EIF2B3: variants seen among roughly 807,000 people sequenced by gnomAD.
The protein encoded by EIF2B3 is translation initiation factor eIF2B subunit gamma.
A neutral mutation model predicts 54.1 loss-of-function variants in EIF2B3; 20 were observed. That is an observed-to-expected ratio of 0.37 (90% CI 0.26 to 0.54). EIF2B3 has a LOEUF of 0.54. Among genes scored for constraint, EIF2B3 ranks in the 20% least tolerant of loss-of-function variants. EIF2B3 has a pLI of 0.86. For synonymous variants in EIF2B3, 153 were observed against 188.1 expected (o/e 0.81, Z 1.52); for missense variants, 448 against 547.8 (o/e 0.82, Z 1.82).
At chr1:44,939,129 A>C (rs1227832561) in intron 4 of EIF2B3, among the ~76,000 whole-genome samples, 2 of 151,386 alleles carry the variant, frequency 1.3e-5, no homozygotes, top group African/African-American at 4.8e-5. Context: ...AAAAAAAAGA[A>C]ACAAAAGGAA....
chr1:44,897,602 A>C (rs964547977), intron 5 of EIF2B3, among the ~76,000 whole-genome samples, 158 bp from the exon 6 acceptor site: 9 of 152,238 alleles, frequency 5.9e-5, no homozygotes, highest in Non-Finnish European at 5.9e-5. Flanking sequence ...AGTGGACCCC[A>C]GCCCTGACTC....
At chr1:44,945,481 G>C (rs1300272958) in intron 3 of EIF2B3, among the ~76,000 whole-genome samples, 2 of 151,780 alleles carry the variant, frequency 1.3e-5, no homozygotes, top group Admixed American at 1.3e-4. Flanking sequence ...ATGAACCCAG[G>C]GGGCGGAGCT....
At chr1:44,983,233 T>G (rs1001147264) in intron 1 of EIF2B3, among the ~76,000 whole-genome samples, 5 of 152,366 alleles carry the variant, frequency 3.3e-5, no homozygotes, top group East Asian at 1.9e-4. Flanking sequence ...TGATTTAAAC[T>G]GAAAGTACTT....
chr1:44,886,382 G>A (rs554117825), intron 6 of EIF2B3, among the ~76,000 whole-genome samples: 43 of 152,188 alleles, frequency 2.8e-4, no homozygotes, highest in African/African-American at 9.9e-4. Flanking sequence ...GCCCGACCCC[G>A]ATTATTTTTA....
At chr1:44,933,578 TTATAA>T (rs1483441950) in intron 4 of EIF2B3, among the ~76,000 whole-genome samples, 2 of 152,276 alleles carry the variant, frequency 1.3e-5, no homozygotes, top group Non-Finnish European at 2.9e-5. Context: ...CTGCTATTTA[TTATAA>T]TATATCTTAG....
chr1:44,876,749 A>G lies in EIF2B3; in HGVS notation c.976-1054T>C, dbSNP rs1655173158. ...GATGACAATGGCGGTTTTGTGGAAT[A>G]GAAAGGCGGGAAAGGTGGGGAAAAG... On this transcript the variant is annotated intron_variant, in intron 8 of 11. Transcript: ENST00000360403. 3.5e-5 allele frequency among the ~76,000 whole-genome samples: 5 copies of G among 143,372 alleles called. No homozygotes were observed. The South Asian group carries it at 1.1e-3, about 33-fold the overall frequency. The allele number at this position is 143,372 out of a possible 152,430, so 94.1% of individuals were successfully genotyped here. A position where few individuals can be genotyped will look rare whatever the true frequency, so the allele number is the denominator to read the frequency against.
chr1:44,961,402 C>A (rs539674780), intron 3 of EIF2B3, among the ~76,000 whole-genome samples: 7 of 149,900 alleles, frequency 4.7e-5, no homozygotes, highest in African/African-American at 1.7e-4. Context: ...GGGCCGGGTG[C>A]ATTGGCTCAT....
intron 3 of EIF2B3, among the ~76,000 whole-genome samples, chr1:44,969,081 G>C (rs1457406448): frequency 6.6e-6 from 1 of 152,128 alleles, no homozygotes; most frequent in Non-Finnish European, 1.5e-5. Flanking sequence ...ACAAGGAATG[G>C]GGACTCGTGT....
intron 5 of EIF2B3, among the ~76,000 whole-genome samples, chr1:44,901,718 C>T (rs148076798): frequency 3.4e-4 from 51 of 151,968 alleles, no homozygotes; most frequent in Non-Finnish European, 6.6e-4. Context: ...TGACACCACA[C>T]CTGGCTACTT....
chr1:44,883,979 C>T (rs903403337), intron 6 of EIF2B3, among the ~76,000 whole-genome samples: 5 of 152,178 alleles, frequency 3.3e-5, no homozygotes, highest in Admixed American at 3.3e-4. Flanking sequence ...GCTGGGACCA[C>T]AGGCATGTGC....
Position 44,986,528 on chromosome 1 carries a change from AG to A in EIF2B3, c.-46del, listed in dbSNP as rs1644580306. The stretch of plus-strand genomic sequence containing the variant: ...CAGCTTGTGTGCGGCCTGGCAGGGC[AG>A]AAGTCACAGCTATAACTCAGCTCCC... On this transcript the variant is annotated 5_prime_UTR_variant, in exon 1 of 12. Transcript: ENST00000360403. The A allele has an allele frequency of 6.6e-6, 1 of 152,132 alleles. No individual in the cohort carries two copies. The highest frequency in any genetic ancestry group is 1.5e-5 in the Non-Finnish European group (1 of 67,964). 9.4% of individuals were successfully genotyped at this position (152,132 alleles called of 1,614,324 possible).
At chr1:44,853,994 G>GTTTTTTTTTTT (rs113200962) in intron 11 of EIF2B3, among the ~76,000 whole-genome samples, 1 of 137,474 alleles carries the variant, frequency 7.3e-6, no homozygotes, top group Non-Finnish European at 1.5e-5. Context: ...AGCAGTTAGT[G>GTTTTTTTTTTT]TTTTTTTTTT....
At chr1:44,958,172 G>A (rs1644247841) in intron 3 of EIF2B3, among the ~76,000 whole-genome samples, 1 of 152,168 alleles carries the variant, frequency 6.6e-6, no homozygotes, top group African/African-American at 2.4e-5. Context: ...CACCCTGTGT[G>A]CCAGTCCAGA....
chr1:44,979,529 A>C (rs571509997), intron 2 of EIF2B3, among the ~76,000 whole-genome samples: 1 of 147,942 alleles, frequency 6.8e-6, no homozygotes, highest in African/African-American at 2.5e-5. Flanking sequence ...GTGTGGTGGC[A>C]TGCATGTAGT....
At chr1:44,925,893 C>T (rs764529752) in intron 5 of EIF2B3, among the ~76,000 whole-genome samples, 2 of 149,472 alleles carry the variant, frequency 1.3e-5, no homozygotes, top group Non-Finnish European at 3.0e-5. Context: ...CATTGCATTC[C>T]AGCCTGGGCA....
intron 3 of EIF2B3, among the ~76,000 whole-genome samples, chr1:44,964,534 C>A (rs1163205119): frequency 6.6e-6 from 1 of 152,204 alleles, no homozygotes; most frequent in East Asian, 1.9e-4. Context: ...TATGCTCAGT[C>A]TTTCTAATAA....
chr1:44,955,002 T>C (rs566773581), intron 3 of EIF2B3, among the ~76,000 whole-genome samples: 6 of 152,370 alleles, frequency 3.9e-5, no homozygotes, highest in Admixed American at 3.3e-4. Context: ...TCATTGTTTC[T>C]GTTTATGTGA....
chr1:44,857,846 C>G (rs369355291), intron 10 of EIF2B3, 39 bp from the exon 11 acceptor site: 2 of 1,587,076 alleles, frequency 1.3e-6, no homozygotes, highest in African/African-American at 1.3e-5. Context: ...ACCCAAGGCT[C>G]GCATCACCAT....
In EIF2B3 at chr1:44,857,771, A is replaced by C. The variant is rs1654484109; in HGVS notation, c.1239T>G (p.Ala413=). ...NIQGSVICNN[A]VIEKGADIKD... ...TGATGTCTGCACCCTTCTCGATCAC[A>C]GCATTGTTGCAGATGACACTGCCTT... Residue 413 remains alanine (A), a synonymous_variant, in exon 11 of 12, where the codon GCT becomes GCG. Coordinates refer to ENST00000360403, the MANE Select transcript of EIF2B3 (RefSeq NM_020365.5). 6.2e-7 allele frequency: 1 copy of C among 1,614,028 alleles called. No individual in the cohort carries two copies. The highest frequency in any genetic ancestry group is 1.3e-5 in the African/African-American group (1 of 74,918).
Sources: allele counts gnomAD v4.1 joint callset (sites outside exome capture counted in the v4.1 genomes callset), GRCh38; gene constraint gnomAD v4.1.1; transcripts MANE v1.5; gene names NCBI Gene and HGNC (gene_info 2026-07-23, HGNC 2026-07-21).